The following CCDC178 variants were observed in gnomAD, a reference collection of about 807,000 sequenced individuals.
CCDC178 encodes coiled-coil domain-containing protein 178.
A neutral mutation model predicts 117.4 loss-of-function variants in CCDC178; 126 were observed. The ratio of observed to expected loss-of-function variants is 1.07; its 90% CI spans 0.93 to 1.24. CCDC178 has a LOEUF of 1.24. Among genes scored for constraint, CCDC178 ranks in the 50% most tolerant of loss-of-function variants. The pLI is 0.00. For missense variants in CCDC178, 1,030 were observed against 986.9 expected, an observed-to-expected ratio of 1.04 and a Z score of -0.59; for synonymous variants, 283 against 313.4, an observed-to-expected ratio of 0.90 and a Z score of 1.02.
At chr18:32,942,832 C>T (rs1278724695) in intron 22 of CCDC178, among the ~76,000 whole-genome samples, 1 of 152,096 alleles carries the variant, frequency 6.6e-6, no homozygotes, top group East Asian at 1.9e-4. Context: ...ACTGATCATA[C>T]CTTCTGAAGG....
At chr18:33,045,107 T>C (rs554503183) in intron 21 of CCDC178, among the ~76,000 whole-genome samples, 33 of 152,110 alleles carry the variant, frequency 2.2e-4, no homozygotes, top group Non-Finnish European at 4.0e-4. Context: ...TTCACCATGG[T>C]GCATGTAAGA....
intron 12 of CCDC178, among the ~76,000 whole-genome samples, chr18:33,291,155 A>G (rs191533845): frequency 1.3e-5 from 2 of 152,216 alleles, no homozygotes; most frequent in East Asian, 3.9e-4. Flanking sequence ...AACAGAAAAT[A>G]TTTTTATAAT....
At chr18:33,348,842 T>C in intron 8 of CCDC178, 48 bp downstream of exon 8, 1 of 1,162,554 alleles carries the variant, frequency 8.6e-7, no homozygotes, top group Non-Finnish European at 1.3e-6. Flanking sequence ...ATGAAGTCAA[T>C]GAACTTTTAA....
intron 21 of CCDC178, among the ~76,000 whole-genome samples, chr18:33,047,567 G>T (rs1255182874): frequency 6.6e-6 from 1 of 151,928 alleles, no homozygotes; most frequent in African/African-American, 2.4e-5. Context: ...GCCAAATATT[G>T]CTTAGGGTCT....
chr18:33,161,155 G>T (rs1278726409), intron 20 of CCDC178, among the ~76,000 whole-genome samples: 1 of 152,046 alleles, frequency 6.6e-6, no homozygotes, highest in Admixed American at 6.6e-5. Flanking sequence ...GCAACAAGAA[G>T]AATGGAATTC....
rs56720014 is a variant in CCDC178, at chr18:33,278,595, A to C, written c.1177-11298T>G. 1.2e-3 allele frequency among the ~76,000 whole-genome samples: 188 copies of C among 152,130 alleles called. 1 individual carries two copies. The highest frequency in any genetic ancestry group is 2.3e-3 in the Admixed American group (35 of 15,244). Reference sequence around the variant, plus strand: ...TATAGGCTTTATTCTATCATATACAAAACAAACACAGCAACTAGAAAATGA... The same window carrying C: ...TATAGGCTTTATTCTATCATATACACAACAAACACAGCAACTAGAAAATGA... On this transcript the variant is annotated intron_variant, in intron 12 of 22. Coordinates refer to ENST00000383096, the MANE Select transcript of CCDC178 (RefSeq NM_001105528.4).
intron 14 of CCDC178, among the ~76,000 whole-genome samples, chr18:33,255,355 C>T (rs981807770): frequency 1.3e-5 from 2 of 152,056 alleles, no homozygotes; most frequent in African/African-American, 4.8e-5. Flanking sequence ...TGACAGTTTA[C>T]AGTGTCCAAT....
chr18:32,991,053 C>T (rs545178280), intron 21 of CCDC178, among the ~76,000 whole-genome samples: 14 of 151,502 alleles, frequency 9.2e-5, no homozygotes, highest in African/African-American at 3.4e-4. Flanking sequence ...TGAGCATTTG[C>T]TATATGCCAG....
chr18:33,266,735 T>G (rs982897760), intron 14 of CCDC178, among the ~76,000 whole-genome samples, 181 bp downstream of exon 14: 2 of 151,634 alleles, frequency 1.3e-5, no homozygotes, highest in African/African-American at 4.8e-5. Flanking sequence ...GGCACATGTA[T>G]TCTGACTTTT....
intron 20 of CCDC178, among the ~76,000 whole-genome samples, chr18:33,111,288 CT>C (rs1443904244): frequency 6.6e-6 from 1 of 151,448 alleles, no homozygotes; most frequent in South Asian, 2.1e-4. Context: ...TACTGTTTAT[CT>C]GTAAAGTCCT....
At chr18:33,350,426 A>G (rs2062960057) in intron 7 of CCDC178, among the ~76,000 whole-genome samples, 1 of 152,114 alleles carries the variant, frequency 6.6e-6, no homozygotes, top group South Asian at 2.1e-4. Flanking sequence ...GCTACTTATT[A>G]AGCAGTCTCT....
intron 12 of CCDC178, 66 bp downstream of exon 12, chr18:33,293,093 A>T (rs2062056719): frequency 8.7e-7 from 1 of 1,151,568 alleles, no homozygotes; most frequent in Non-Finnish European, 1.2e-6. Context: ...TTATTGACAA[A>T]AAAGTTTACT....
intron 5 of CCDC178, among the ~76,000 whole-genome samples, chr18:33,381,687 C>A (rs1249928970): frequency 1.3e-5 from 2 of 152,016 alleles, no homozygotes; most frequent in Admixed American, 6.6e-5. Context: ...TTTCTTAATG[C>A]TTGCAGACCA....
intron 22 of CCDC178, among the ~76,000 whole-genome samples, chr18:32,958,586 A>G (rs1426761085): frequency 2.6e-5 from 4 of 152,222 alleles, no homozygotes; most frequent in Non-Finnish European, 5.9e-5. Flanking sequence ...TTAAACGTGT[A>G]GCAGAGAATG....
chr18:33,432,160 A>G (rs1197145918), intron 2 of CCDC178, among the ~76,000 whole-genome samples: 1 of 152,160 alleles, frequency 6.6e-6, no homozygotes, highest in Non-Finnish European at 1.5e-5. Flanking sequence ...GAGATGACAC[A>G]TGGCAGGAGG....
chr18:33,026,320 T>C (rs1278853472), intron 21 of CCDC178, among the ~76,000 whole-genome samples: 2 of 152,096 alleles, frequency 1.3e-5, no homozygotes, highest in South Asian at 2.1e-4. Context: ...GGTTGTGATA[T>C]TGCTCTATAG....
chr18:33,039,707 G>C (rs1038243824), intron 21 of CCDC178, among the ~76,000 whole-genome samples: 1 of 152,006 alleles, frequency 6.6e-6, no homozygotes, highest in Non-Finnish European at 1.5e-5. Context: ...GGGGACCTTA[G>C]ATGCATCTCT....
At chr18:33,361,196 G>A (rs530069251) in intron 6 of CCDC178, among the ~76,000 whole-genome samples, 5 of 151,432 alleles carry the variant, frequency 3.3e-5, no homozygotes, top group Non-Finnish European at 5.9e-5. Context: ...AAACACAGAC[G>A]GACAACTAAT....
At chr18:33,434,611 G>T (rs1033910074) in intron 2 of CCDC178, among the ~76,000 whole-genome samples, 1 of 152,030 alleles carries the variant, frequency 6.6e-6, no homozygotes, top group Non-Finnish European at 1.5e-5. Context: ...TTGTGTTTCA[G>T]AGAAATTAAT....
Sources: allele counts gnomAD v4.1 joint callset (sites outside exome capture counted in the v4.1 genomes callset), GRCh38; gene constraint gnomAD v4.1.1; transcripts MANE v1.5; gene names NCBI Gene and HGNC (gene_info 2026-07-23, HGNC 2026-07-21).